Variants in CPLANE1 observed in about 807,000 individuals in gnomAD.
The protein encoded by CPLANE1 is ciliogenesis and planar polarity effector 1.
In CPLANE1, 263 loss-of-function variants were observed where a neutral mutation model predicts 362.5. The ratio of observed to expected loss-of-function variants is 0.73; its 90% confidence interval spans 0.66 to 0.80. The LOEUF is 0.80. Ranked by LOEUF, CPLANE1 falls within the 30% of genes least tolerant of loss-of-function variation. The pLI is 0.00. For synonymous variants in CPLANE1, 1,212 were observed against 1,302.6 expected, an observed-to-expected ratio of 0.93 and a Z score of 1.50; for missense variants, 3,461 against 3,793.4, an observed-to-expected ratio of 0.91 and a Z score of 2.30.
intron 21 of CPLANE1, among the ~76,000 whole-genome samples, chr5:37,193,429 C>T (rs1229799140): frequency 1.3e-5 from 2 of 152,004 alleles, no homozygotes; most frequent in Non-Finnish European, 2.9e-5. Context: ...CTGAGGCAGG[C>T]GGATTACCTG....
At position 37,132,565 on chromosome 5, in the gene CPLANE1, C is replaced by T. The variant is rs112429597; in HGVS notation, c.8792+6155G>A. Among the ~76,000 whole-genome samples the T allele has an allele frequency of 7.2e-3, 1,102 of 152,210 alleles. 18 individuals carry two copies. The highest frequency in any genetic ancestry group is 0.025 in the African/African-American group (1,036 of 41,518). On this transcript the variant is annotated intron_variant, in intron 46 of 52. Coordinates refer to ENST00000651892, the MANE Select transcript of CPLANE1 (RefSeq NM_001384732.1). ...GTTTCACCATGTTAGCCAGGATGGTCTCAATCTCCTGACCTTGTAATCCGC... is the reference window on the plus strand; with the variant it reads ...GTTTCACCATGTTAGCCAGGATGGTTTCAATCTCCTGACCTTGTAATCCGC...
chr5:37,179,447 G>T lies in CPLANE1; in HGVS notation c.5738-4C>A. 2 of 1,603,188 alleles carry T rather than the reference G, an allele frequency of 1.2e-6. No homozygotes were observed. The highest frequency in any genetic ancestry group is 2.2e-5 in the South Asian group (2 of 89,232). ...CCAACAGATTCTTCAATGTCTTCTA[G>T]CGATAAGTGAAGATGAAGAGAAAAC... On this transcript the variant is annotated splice_polypyrimidine_tract_variant and splice_region_variant and intron_variant, in intron 28 of 52. Transcript: ENST00000651892.
intron 29 of CPLANE1, among the ~76,000 whole-genome samples, chr5:37,178,987 C>G (rs1781977739): frequency 6.6e-6 from 1 of 152,178 alleles, no homozygotes. Flanking sequence ...TCTAAAACTC[C>G]TGGCCTCAAG....
the CPLANE1 span, among the ~76,000 whole-genome samples, chr5:37,080,579 G>C: frequency 6.6e-6 from 1 of 152,208 alleles, no homozygotes; most frequent in Non-Finnish European, 1.5e-5. Flanking sequence ...AGAGTTCCCT[G>C]TGAGGTCTTT....
intron 34 of CPLANE1, among the ~76,000 whole-genome samples, 179 bp downstream of exon 34, chr5:37,168,612 A>G (rs1457141092): frequency 2.0e-5 from 3 of 152,214 alleles, no homozygotes; most frequent in Non-Finnish European, 4.4e-5. Flanking sequence ...TATTGGGATT[A>G]CAGGCATGAG....
At chr5:37,127,209 T>C (rs1042821983) in intron 46 of CPLANE1, among the ~76,000 whole-genome samples, 1 of 152,218 alleles carries the variant, frequency 6.6e-6, no homozygotes, top group Non-Finnish European at 1.5e-5. Context: ...ATTATAGCCA[T>C]GAAAACGACT....
intron 17 of CPLANE1, among the ~76,000 whole-genome samples, chr5:37,205,980 T>C (rs1399979511): frequency 6.6e-6 from 1 of 152,190 alleles, no homozygotes; most frequent in Non-Finnish European, 1.5e-5. Context: ...TAAAGTTAAA[T>C]TGAAAATTTA....
At chr5:37,140,037 C>T (rs1029770561) in intron 44 of CPLANE1, 23 of 942,832 alleles carry the variant, frequency 2.4e-5, no homozygotes, top group African/African-American at 1.4e-4. Flanking sequence ...TATTTAAATC[C>T]GAGAAGCAAT....
At chr5:37,097,745 T>C in the CPLANE1 span, among the ~76,000 whole-genome samples, 1 of 152,154 alleles carries the variant, frequency 6.6e-6, no homozygotes, top group East Asian at 1.9e-4. Flanking sequence ...ACAAGAATTC[T>C]ATACCCAGCC....
chr5:37,122,286 T>C, intron 48 of CPLANE1, 144 bp downstream of exon 48: 1 of 684,502 alleles, frequency 1.5e-6, no homozygotes, highest in Non-Finnish European at 2.5e-6. Context: ...AGTCTCATCA[T>C]TTTCCTTGCA....
chr5:37,113,412 T>G (rs1488010718), intron 51 of CPLANE1, among the ~76,000 whole-genome samples: 1 of 152,240 alleles, frequency 6.6e-6, no homozygotes. Context: ...TCCACAGCCA[T>G]GTGAAACTGT....
At chr5:37,227,963 C>G in intron 9 of CPLANE1, 146 bp from the exon 10 acceptor site, 1 of 759,382 alleles carries the variant, frequency 1.3e-6, no homozygotes, top group Non-Finnish European at 2.1e-6. Flanking sequence ...GTGTTTATAT[C>G]TTTCAGGAAA....
In CPLANE1 at chr5:37,106,867, T is replaced by C; in HGVS notation, c.*735A>G. 4 of 984,920 alleles carry C rather than the reference T, an allele frequency of 4.1e-6. No individual in the cohort carries two copies. Among genetic ancestry groups the C allele is most frequent in the South Asian group, 4.7e-5 (1 of 21,274 alleles). 61.0% of individuals were successfully genotyped at this position (984,920 alleles called of 1,614,324 possible). A position where few individuals can be genotyped will look rare whatever the true frequency, so the allele number is the denominator to read the frequency against. On this transcript the variant is annotated 3_prime_UTR_variant, in exon 53 of 53. Coordinates refer to ENST00000651892, the MANE Select transcript of CPLANE1 (RefSeq NM_001384732.1). ...AGTCAATTCTCATAAAAATTATCTC[T>C]TAAAACTATGACATTATTGGAGCAC... is the stretch of plus-strand genomic sequence containing the variant.
intron 1 of CPLANE1, among the ~76,000 whole-genome samples, 179 bp downstream of exon 1, chr5:37,249,066 G>T (rs560089684): frequency 2.0e-5 from 3 of 152,234 alleles, no homozygotes; most frequent in African/African-American, 7.2e-5. Flanking sequence ...GAGCGAGGAC[G>T]GGCCCGGACT....
chr5:37,141,968 C>T (rs533030919), intron 44 of CPLANE1: 1 of 559,172 alleles, frequency 1.8e-6, no homozygotes, highest in Non-Finnish European at 2.3e-6. Flanking sequence ...ATGATGGCTA[C>T]TATTTTGTTT....
At chr5:37,081,362 A>T in the CPLANE1 span, among the ~76,000 whole-genome samples, 1 of 152,022 alleles carries the variant, frequency 6.6e-6, no homozygotes, top group Non-Finnish European at 1.5e-5. Context: ...TCTCTCTGTC[A>T]CCCAGGCTGG....
chr5:37,117,751 G>A (rs186573956), intron 50 of CPLANE1, among the ~76,000 whole-genome samples: 14 of 152,348 alleles, frequency 9.2e-5, no homozygotes, highest in Admixed American at 5.9e-4. Flanking sequence ...GGGCTTCTGA[G>A]CCCAGGAGTA....
intron 51 of CPLANE1, among the ~76,000 whole-genome samples, chr5:37,111,211 C>T (rs1430829831): frequency 6.6e-6 from 1 of 151,718 alleles, no homozygotes; most frequent in Non-Finnish European, 1.5e-5. Context: ...AGCTCCACCT[C>T]CCGGGTTCAC....
downstream of CPLANE1, among the ~76,000 whole-genome samples, chr5:37,104,296 TG>T (rs1227342362): frequency 6.6e-6 from 1 of 152,146 alleles, no homozygotes; most frequent in Admixed American, 6.5e-5. Flanking sequence ...TTCTTTGCAC[TG>T]GGTTCTAACT....
Sources: allele counts gnomAD v4.1 joint callset (sites outside exome capture counted in the v4.1 genomes callset), GRCh38; gene constraint gnomAD v4.1.1; transcripts MANE v1.5; gene names NCBI Gene and HGNC (gene_info 2026-07-23, HGNC 2026-07-21).